Variants in C14orf39 observed in about 807,000 individuals in gnomAD.
C14orf39 encodes chromosome 14 open reading frame 39.
C14orf39 carries 66 observed loss-of-function variants against 85.6 expected under a neutral mutation model. The observed-to-expected ratio is 0.77, with a 90% CI of 0.63 to 0.95. The LOEUF (loss-of-function observed/expected upper bound fraction) is 0.95, where lower values mean the gene tolerates loss of function less well. C14orf39 is among the 40% of genes least tolerant of loss of function. The pLI is 0.00. For missense variants in C14orf39, 735 were observed against 663.9 expected (o/e 1.11, Z -1.18); for synonymous variants, 242 against 214.0 (o/e 1.13, Z -1.14).
intron 4 of C14orf39, among the ~76,000 whole-genome samples, chr14:60,480,467 G>A (rs1355901164): frequency 6.6e-6 from 1 of 152,106 alleles, no homozygotes; most frequent in Non-Finnish European, 1.5e-5. Context: ...GTGTTGGGGA[G>A]GATGTGGAGA....
intron 2 of C14orf39, chr14:60,494,793 A>T (rs1893043992): frequency 6.6e-6 from 1 of 152,490 alleles, no homozygotes; most frequent in South Asian, 2.1e-4. Context: ...GCCATCATGT[A>T]GTTAGAGTAA....
intron 16 of C14orf39, among the ~76,000 whole-genome samples, chr14:60,444,183 T>G (rs1340804413): frequency 6.6e-6 from 1 of 152,102 alleles, no homozygotes; most frequent in East Asian, 1.9e-4. Context: ...GGAACAAAAC[T>G]GGACAGAAAA....
In C14orf39 at chr14:60,483,890, T is replaced by C. The variant is rs1284111651; in HGVS notation, c.107-73A>G. 5 of 1,047,054 alleles carry C rather than the reference T, an allele frequency of 4.8e-6. No individual in the cohort carries two copies. The African/African-American group carries it at 6.7e-5, about 14-fold the overall frequency. 64.9% of individuals were successfully genotyped at this position (1,047,054 alleles called of 1,614,324 possible). A position where few individuals can be genotyped will look rare whatever the true frequency, so the allele number is the denominator to read the frequency against. The stretch of plus-strand genomic sequence containing the variant: ...AAAATAAACAAATAGAGAAAAAAAA[T>C]GGGTATGGCAGCTTACCTAAAAGGA... On this transcript the variant is annotated intron_variant, in intron 3 of 17. Coordinates refer to ENST00000321731, the MANE Select transcript of C14orf39 (RefSeq NM_174978.3).
At chr14:60,501,605 G>C (rs1893149363) in intron 1 of C14orf39, among the ~76,000 whole-genome samples, 1 of 152,160 alleles carries the variant, frequency 6.6e-6, no homozygotes, top group Middle Eastern at 3.2e-3. Context: ...TCAGTTTGTG[G>C]CAATTTCTTA....
At chr14:60,511,334 A>C in intron 1 of C14orf39, 1 of 1,488,992 alleles carries the variant, frequency 6.7e-7, no homozygotes, top group Non-Finnish European at 9.4e-7. Flanking sequence ...AAGATGAGAG[A>C]CCTGCAAATC....
intron 4 of C14orf39, among the ~76,000 whole-genome samples, chr14:60,481,617 GC>G (rs1892641961): frequency 6.6e-6 from 1 of 152,140 alleles, no homozygotes; most frequent in Non-Finnish European, 1.5e-5. Context: ...TCTTGCCAGT[GC>G]TAGGTGTTAT....
upstream of C14orf39, among the ~76,000 whole-genome samples, chr14:60,486,892 CTAACATGTTTTGATAATG>C (rs1173398172): frequency 6.6e-6 from 1 of 152,164 alleles, no homozygotes. Flanking sequence ...TTCAACAAAA[CTAACATGTTTTGATAATG>C]TAACAATTTA....
In C14orf39 at chr14:60,457,184, T is replaced by C. The variant is rs1326810693; in HGVS notation, c.1180-89A>G. The C allele has an allele frequency of 5.1e-6, 4 of 777,574 alleles. No homozygotes were observed. In the African/African-American group the frequency reaches 7.2e-5, roughly 14 times the overall value. The allele number at this position is 777,574 out of a possible 1,614,324, so 48.2% of individuals were successfully genotyped here. On this transcript the variant is annotated intron_variant, in intron 14 of 17. Coordinates refer to ENST00000321731, the MANE Select transcript of C14orf39 (RefSeq NM_174978.3). ...AATGCATGAGGTGGAAAATACCTTA[T>C]TAATCCATGATGTTAACATTGCACA...
chr14:60,469,605 A>G lies in C14orf39; in HGVS notation c.603T>C (p.Asn201=), dbSNP rs148437977. 385 of 1,521,072 alleles carry G rather than the reference A, an allele frequency of 2.5e-4. No homozygotes were observed. In the African/African-American group the frequency reaches 4.7e-3, roughly 18 times the overall value. 94.2% of individuals were successfully genotyped at this position (1,521,072 alleles called of 1,614,324 possible). ...TCAATTCGGATGAACTTTTGGTAAGATTGCTGGCATGTTTAAGAATATCTT... is the reference window on the plus strand; with the variant it reads ...TCAATTCGGATGAACTTTTGGTAAGGTTGCTGGCATGTTTAAGAATATCTT... The part of the protein sequence containing the change: ...ETQDILKHAS[N]LTKSSSELKK... The change falls in exon 8 of 18, where the codon AAT becomes AAC. Residue 201 remains asparagine (N), a synonymous_variant. Transcript: ENST00000321731.
Position 60,436,778 on chromosome 14 carries a change from C to A in C14orf39, c.*67G>T. The A allele has an allele frequency of 2.0e-6, 2 of 1,015,448 alleles. No individual in the cohort carries two copies. Among genetic ancestry groups the A allele is most frequent in the South Asian group, 1.5e-5 (1 of 66,634 alleles). 62.9% of individuals were successfully genotyped at this position (1,015,448 alleles called of 1,614,324 possible). A position where few individuals can be genotyped will look rare whatever the true frequency, so the allele number is the denominator to read the frequency against. ...AAGAAAGCAGTCTTCATGTTTTAAG[C>A]AATAATGTAAATTTATGCCCTCATG... is the stretch of plus-strand genomic sequence containing the variant. On this transcript the variant is annotated 3_prime_UTR_variant, in exon 18 of 18. Transcript: ENST00000321731.
At chr14:60,479,579 T>A (rs1892543240) in intron 4 of C14orf39, among the ~76,000 whole-genome samples, 1 of 152,188 alleles carries the variant, frequency 6.6e-6, no homozygotes, top group Admixed American at 6.5e-5. Flanking sequence ...AAAACATACA[T>A]GTTCATTGAG....
intron 16 of C14orf39, among the ~76,000 whole-genome samples, chr14:60,447,988 A>G (rs889035464): frequency 2.6e-5 from 4 of 152,250 alleles, no homozygotes; most frequent in African/African-American, 9.6e-5. Context: ...CTGGCTAGCC[A>G]TATGTAGAAA....
chr14:60,465,268 G>A (rs1280537676), intron 11 of C14orf39, among the ~76,000 whole-genome samples: 1 of 152,104 alleles, frequency 6.6e-6, no homozygotes, highest in Admixed American at 6.6e-5. Flanking sequence ...ACCACTACCA[G>A]TGGAAGAACA....
intron 1 of C14orf39, among the ~76,000 whole-genome samples, chr14:60,513,839 G>C (rs1433736142): frequency 2.0e-5 from 3 of 152,192 alleles, no homozygotes; most frequent in African/African-American, 7.2e-5. Context: ...TGGACAAAAA[G>C]AGAAGACCAA....
At chr14:60,463,556 C>A (rs1891639050) in intron 11 of C14orf39, among the ~76,000 whole-genome samples, 1 of 152,052 alleles carries the variant, frequency 6.6e-6, no homozygotes, top group South Asian at 2.1e-4. Flanking sequence ...ATACTAAAAA[C>A]CACTAAATCT....
At chr14:60,453,972 T>G (rs1224382541) in intron 16 of C14orf39, among the ~76,000 whole-genome samples, 2 of 151,938 alleles carry the variant, frequency 1.3e-5, no homozygotes, top group African/African-American at 4.8e-5. Context: ...AGTGTACATG[T>G]TTCCTATTAC....
At chr14:60,455,317 T>C (rs926614301) in intron 15 of C14orf39, among the ~76,000 whole-genome samples, 172 bp from the exon 16 acceptor site, 34 of 152,066 alleles carry the variant, frequency 2.2e-4, no homozygotes, top group African/African-American at 7.5e-4. Context: ...TGGAGACTAA[T>C]GTTAAATAAA....
rs1303875801 is a variant in C14orf39 at position 60,469,545 on chromosome 14, A to C, written c.663T>G (p.Asn221Lys). The C allele has an allele frequency of 1.4e-6, 2 of 1,418,548 alleles. No homozygotes were observed. The highest frequency in any genetic ancestry group is 2.4e-5 in the East Asian group (1 of 41,060). 87.9% of individuals were successfully genotyped at this position (1,418,548 alleles called of 1,614,324 possible). Residue 221 changes from asparagine (N) to lysine (K), a missense_variant, in exon 8 of 18, where the codon AAT becomes AAG. Asn to Lys is a moderately conservative substitution (Grantham distance 94). Coordinates refer to ENST00000321731, the MANE Select transcript of C14orf39 (RefSeq NM_174978.3). ...ACAAAATATATACCTGGTTTAAATA[A>C]TTAATTTCTATTTCCATTTCATCTA... ...KEVDEMEIEI[N>K]YLNQQISRHN...
At chr14:60,501,282 G>A (rs113941572) in intron 1 of C14orf39, among the ~76,000 whole-genome samples, 3,974 of 144,274 alleles carry the variant, frequency 0.028, 201 homozygotes, top group African/African-American at 0.097. Context: ...CTCCATCCTG[G>A]GCAACAGAGC....
Sources: allele counts gnomAD v4.1 joint callset (sites outside exome capture counted in the v4.1 genomes callset), GRCh38; gene constraint gnomAD v4.1.1; transcripts MANE v1.5; gene names NCBI Gene and HGNC (gene_info 2026-07-23, HGNC 2026-07-21).